PPP1R9A: variants seen among roughly 807,000 people sequenced by gnomAD.
PPP1R9A encodes the protein neurabin-1.
Under a neutral mutation model 141.9 loss-of-function variants are expected in PPP1R9A, and 59 were observed. The observed-to-expected ratio is 0.42, with a 90% CI of 0.34 to 0.52. The LOEUF (loss-of-function observed/expected upper bound fraction) is 0.52. Ranked by LOEUF, PPP1R9A falls within the 20% of genes least tolerant of loss-of-function variation. PPP1R9A has a pLI of 0.10. For missense variants in PPP1R9A, 1,444 were observed against 1,611.9 expected (o/e 0.90, Z 1.78); for synonymous variants, 500 against 569.7 (o/e 0.88, Z 1.74).
At chr7:95,166,995 G>A (rs1481102047) in intron 5 of PPP1R9A, among the ~76,000 whole-genome samples, 8 of 152,010 alleles carry the variant, frequency 5.3e-5, no homozygotes, top group Admixed American at 1.3e-4. Flanking sequence ...AACAAAACAC[G>A]CATAGAAGGA....
intron 2 of PPP1R9A, among the ~76,000 whole-genome samples, chr7:95,102,795 G>A (rs1323693809): frequency 1.3e-5 from 2 of 152,116 alleles, no homozygotes; most frequent in Admixed American, 1.3e-4. Context: ...TGACTACCTT[G>A]TCAAATACCA....
chr7:95,108,405 G>A (rs1210705317), intron 2 of PPP1R9A, among the ~76,000 whole-genome samples: 1 of 138,588 alleles, frequency 7.2e-6, no homozygotes, highest in Non-Finnish European at 1.5e-5. Context: ...CCGCCTCCTG[G>A]GTTCATGCCA....
intron 9 of PPP1R9A, among the ~76,000 whole-genome samples, chr7:95,249,316 T>C (rs982425993): frequency 4.6e-5 from 7 of 152,190 alleles, no homozygotes; most frequent in African/African-American, 1.7e-4. Context: ...AGCTATAGAA[T>C]ATGTTCATGT....
At chr7:95,148,909 A>G (rs537576652) in intron 4 of PPP1R9A, among the ~76,000 whole-genome samples, 61 of 151,348 alleles carry the variant, frequency 4.0e-4, no homozygotes, top group African/African-American at 1.4e-3. Context: ...TTACAAGAAA[A>G]GTAAACTATA....
intron 2 of PPP1R9A, among the ~76,000 whole-genome samples, chr7:94,960,297 T>C (rs1797491871): frequency 1.3e-5 from 2 of 151,606 alleles, no homozygotes; most frequent in Non-Finnish European, 3.0e-5. Context: ...AAGATGATTC[T>C]ACTGATCCTA....
chr7:95,249,701 C>T lies in PPP1R9A; in HGVS notation c.2167-325C>T, dbSNP rs1221799115. On this transcript the variant is annotated intron_variant, in intron 9 of 19. Transcript: ENST00000433360. ...AAAACTCTCAAAACATGTTGACATT[C>T]GTTGGATATATCAAACTCTGAAACA... Among the ~76,000 whole-genome samples, 5 of 152,000 alleles carry T rather than the reference C, an allele frequency of 3.3e-5. No individual in the cohort carries two copies. The South Asian group carries it at 8.3e-4, about 25-fold the overall frequency.
intron 4 of PPP1R9A, among the ~76,000 whole-genome samples, chr7:95,143,917 A>T (rs1827139151): frequency 6.6e-6 from 1 of 151,942 alleles, no homozygotes; most frequent in African/African-American, 2.4e-5. Context: ...TGATGTGCAT[A>T]TACATTGTGA....
intron 2 of PPP1R9A, among the ~76,000 whole-genome samples, chr7:94,987,902 T>C (rs1390484174): frequency 6.6e-6 from 1 of 152,168 alleles, no homozygotes; most frequent in Non-Finnish European, 1.5e-5. Context: ...ATATTAACTG[T>C]CATTTGAAGT....
chr7:95,202,613 C>G lies in PPP1R9A; in HGVS notation c.1891-1052C>G, dbSNP rs367553002. The G allele has an allele frequency of 8.2e-4, 747 of 910,086 alleles. 2 individuals carry two copies. In the African/African-American group the frequency reaches 9.1e-3, roughly 11 times the overall value. 56.4% of individuals were successfully genotyped at this position (910,086 alleles called of 1,614,324 possible). On this transcript the variant is annotated intron_variant, in intron 6 of 19. Coordinates refer to ENST00000433360, the MANE Select transcript of PPP1R9A (RefSeq NM_001166160.2). Reference sequence around the variant, plus strand: ...CAATAAATCTCTCAGACAATCAGCACTATTTCATGACACTCGGGGGGTATG... The same window carrying G: ...CAATAAATCTCTCAGACAATCAGCAGTATTTCATGACACTCGGGGGGTATG...
chr7:95,024,417 T>G (rs1286865129), intron 2 of PPP1R9A, among the ~76,000 whole-genome samples: 1 of 152,136 alleles, frequency 6.6e-6, no homozygotes, highest in African/African-American at 2.4e-5. Context: ...TCTAAATCTC[T>G]TTGTAGGTCT....
chr7:95,205,399 C>A (rs916222717), intron 7 of PPP1R9A, among the ~76,000 whole-genome samples: 8 of 152,138 alleles, frequency 5.3e-5, no homozygotes, highest in African/African-American at 1.9e-4. Context: ...AATGCTAGAA[C>A]AATTCAATAT....
chr7:95,116,998 TA>T (rs1275094569), intron 3 of PPP1R9A, among the ~76,000 whole-genome samples: 1 of 152,126 alleles, frequency 6.6e-6, no homozygotes, highest in Non-Finnish European at 1.5e-5. Flanking sequence ...TAGGTAAAAA[TA>T]AATAACTCTA....
intron 2 of PPP1R9A, among the ~76,000 whole-genome samples, chr7:95,033,078 C>T (rs778935399): frequency 6.6e-6 from 1 of 151,746 alleles, no homozygotes; most frequent in Non-Finnish European, 1.5e-5. Context: ...GCTGTTGGCT[C>T]ACTGCAAACT....
At chr7:95,283,159 A>G (rs1417092860) in intron 16 of PPP1R9A, among the ~76,000 whole-genome samples, 1 of 152,122 alleles carries the variant, frequency 6.6e-6, no homozygotes, top group Non-Finnish European at 1.5e-5. Context: ...TCTGATAGTT[A>G]TTTTTTCTCT....
rs567201205 is a variant in PPP1R9A, at chr7:94,931,281, C to T, written c.1395+19773C>T. On this transcript the variant is annotated intron_variant, in intron 2 of 19. Coordinates refer to ENST00000433360, the MANE Select transcript of PPP1R9A (RefSeq NM_001166160.2). ...TGAACTTCAGATAATGTTCTGGTAA[C>T]TCCTAAGTTACAGGAACGCTATTGA... 7.9e-5 allele frequency among the ~76,000 whole-genome samples: 12 copies of T among 152,298 alleles called. No homozygotes were observed. The South Asian group carries it at 2.5e-3, about 32-fold the overall frequency.
At chr7:95,242,963 G>C (rs906202340) in intron 8 of PPP1R9A, among the ~76,000 whole-genome samples, 1 of 152,104 alleles carries the variant, frequency 6.6e-6, no homozygotes, top group Non-Finnish European at 1.5e-5. Flanking sequence ...CCTGTACTTT[G>C]AAAAGGTTAT....
chr7:95,181,321 A>ATATATATAGAATATATAGAATATATATAG (rs1585113461), intron 5 of PPP1R9A, among the ~76,000 whole-genome samples: 3 of 140,288 alleles, frequency 2.1e-5, no homozygotes, highest in Non-Finnish European at 3.0e-5. Context: ...TATATAGAAT[A>ATATATATAGAATATATAGAATATATATAG]TATATATAGA....
Position 94,910,459 on chromosome 7 carries a change from T to C in PPP1R9A, c.346T>C (p.Leu116=). ...AAAAACAGATGGCTCAGTTGTTAAG[T>C]TGGAGTCTTCTGTTTCTGAACGAAT... ...LEKTDGSVVK[L]ESSVSERISR... Residue 116 remains leucine, a synonymous_variant, in exon 2 of 20, where the codon TTG becomes CTG. Transcript: ENST00000433360. This position sits in a 1 kb window ranked among gnomAD's most constrained non-coding sequence, Gnocchi z 4.5. 1 of 1,614,180 alleles carries C rather than the reference T, an allele frequency of 6.2e-7. No homozygotes were observed. Among genetic ancestry groups the C allele is most frequent in the African/African-American group, 1.3e-5 (1 of 75,044 alleles).
intron 2 of PPP1R9A, among the ~76,000 whole-genome samples, chr7:94,932,226 G>A (rs1794245104): frequency 6.6e-6 from 1 of 152,136 alleles, no homozygotes; most frequent in African/African-American, 2.4e-5. Context: ...AAACAGATGA[G>A]TACTTACCAG....
Sources: allele counts gnomAD v4.1 joint callset (sites outside exome capture counted in the v4.1 genomes callset), GRCh38; gene constraint gnomAD v4.1.1; non-coding constraint Gnocchi (gnomAD v3.1); transcripts MANE v1.5; gene names NCBI Gene and HGNC (gene_info 2026-07-23, HGNC 2026-07-21).